Variants in RPGRIP1L observed in about 807,000 individuals in gnomAD.
RPGRIP1L encodes protein fantom.
In RPGRIP1L, 131 loss-of-function variants were observed where a neutral mutation model predicts 160.4. The observed-to-expected ratio is 0.82, with a 90% CI of 0.71 to 0.94. The LOEUF is 0.94. Ranked by LOEUF, RPGRIP1L falls within the 40% of genes least tolerant of loss-of-function variation. The pLI, the probability that RPGRIP1L is intolerant of heterozygous loss-of-function variation, is 0.00. For missense variants in RPGRIP1L, 1,522 were observed against 1,535.8 expected, an observed-to-expected ratio of 0.99 and a Z score of 0.15; for synonymous variants, 510 against 515.8, an observed-to-expected ratio of 0.99 and a Z score of 0.15.
At chr16:53,687,171 T>A (rs2151321804) in intron 5 of RPGRIP1L, among the ~76,000 whole-genome samples, 1 of 152,268 alleles carries the variant, frequency 6.6e-6, no homozygotes, top group East Asian at 1.9e-4. Context: ...AAAGGAAACA[T>A]TTGAAGACCA....
At position 53,686,287 on chromosome 16, in the gene RPGRIP1L, T is replaced by C. The variant is rs1970007088; in HGVS notation, c.776+146A>G. The C allele has an allele frequency of 3.5e-6, 3 of 862,530 alleles. No individual in the cohort carries two copies. In the South Asian group the frequency reaches 5.0e-5, roughly 14 times the overall value. 53.4% of individuals were successfully genotyped at this position (862,530 alleles called of 1,614,324 possible). ...GACTAGAGTTCTTGACAGCAGTTAG[T>C]AGGTCGAGCATAGGCTTATATGAAG... On this transcript the variant is annotated intron_variant, in intron 6 of 26. Coordinates refer to ENST00000647211, the MANE Select transcript of RPGRIP1L (RefSeq NM_015272.5).
At chr16:53,691,097 T>G (rs1193645034) in intron 4 of RPGRIP1L, among the ~76,000 whole-genome samples, 4 of 151,670 alleles carry the variant, frequency 2.6e-5, no homozygotes, top group African/African-American at 9.7e-5. Flanking sequence ...TTTCTGTTCA[T>G]AGTGGTTTTT....
intron 4 of RPGRIP1L, among the ~76,000 whole-genome samples, chr16:53,691,047 A>T (rs1177141264): frequency 6.6e-6 from 1 of 151,430 alleles, no homozygotes; most frequent in African/African-American, 2.4e-5. Context: ...TAGTGCTAAC[A>T]TTTTGGCTTC....
chr16:53,696,320 T>C (rs748374826), intron 2 of RPGRIP1L, 25 bp from the exon 3 acceptor site: 2 of 1,612,460 alleles, frequency 1.2e-6, no homozygotes, highest in South Asian at 1.1e-5. Context: ...AGATAATTAA[T>C]TGTGAGGTTA....
intron 15 of RPGRIP1L, among the ~76,000 whole-genome samples, chr16:53,651,944 T>G (rs1180408894): frequency 2.0e-5 from 3 of 151,878 alleles, no homozygotes; most frequent in African/African-American, 7.3e-5. Flanking sequence ...GAACTTAAAT[T>G]ACAGTTCAAT....
At chr16:53,617,073 C>CAAAAAAAAAAAA (rs397945611) in intron 24 of RPGRIP1L, among the ~76,000 whole-genome samples, 1,470 of 21,808 alleles carry the variant, frequency 0.067, 345 homozygotes, top group African/African-American at 0.26. Flanking sequence ...CCTTGCATCA[C>CAAAAAAAAAAAA]AAAAAAAAAA....
At chr16:53,611,903 C>A (rs1964067600) in intron 24 of RPGRIP1L, among the ~76,000 whole-genome samples, 1 of 152,218 alleles carries the variant, frequency 6.6e-6, no homozygotes, top group Non-Finnish European at 1.5e-5. Flanking sequence ...GTGACCAGAT[C>A]TCAACTTAGA....
chr16:53,695,393 G>A lies in RPGRIP1L; in HGVS notation c.230+758C>T, dbSNP rs978613676. ...AAACTGAACTGGAACCACCTCCTTA[G>A]GATGGATTCTAAGCAGAAAAACCCT... On this transcript the variant is annotated intron_variant, in intron 3 of 26. Transcript: ENST00000647211. 6 of 702,824 alleles carry A rather than the reference G, an allele frequency of 8.5e-6. No homozygotes were observed. Among genetic ancestry groups the A allele is most frequent in the Admixed American group, 8.0e-5 (4 of 49,990 alleles). 43.5% of individuals were successfully genotyped at this position (702,824 alleles called of 1,614,324 possible).
At chr16:53,607,718 T>C (rs1963775273) in intron 25 of RPGRIP1L, among the ~76,000 whole-genome samples, 2 of 152,106 alleles carry the variant, frequency 1.3e-5, no homozygotes, top group Non-Finnish European at 2.9e-5. Flanking sequence ...GCCTTCTAAA[T>C]GCCAGAGAAA....
intron 17 of RPGRIP1L, among the ~76,000 whole-genome samples, chr16:53,644,344 C>G (rs1432328989): frequency 6.6e-6 from 1 of 151,658 alleles, no homozygotes; most frequent in Non-Finnish European, 1.5e-5. Flanking sequence ...TGTGGGGAAA[C>G]CATCAAACAT....
At chr16:53,642,966 C>G (rs1304735546) in intron 17 of RPGRIP1L, among the ~76,000 whole-genome samples, 1 of 152,162 alleles carries the variant, frequency 6.6e-6, no homozygotes. Context: ...GAAGGCCAGC[C>G]AACAATTTAA....
Position 53,641,393 on chromosome 16 carries a change from T to G in RPGRIP1L, c.2766A>C (p.Pro922=). Residue 922 remains proline (P), a synonymous_variant, in exon 18 of 27, where the codon CCA becomes CCC. Transcript: ENST00000647211. The part of the protein sequence containing the change: ...VILKWKFAYL[P]PSGSITTEDL... ...CTTCAGTTGTTATTGATCCACTTGG[T>G]GGAAGGTAAGCAAATTTCCATTTCA... is the stretch of plus-strand genomic sequence containing the variant. The G allele has an allele frequency of 2.5e-6, 4 of 1,614,078 alleles. No individual in the cohort carries two copies. The highest frequency in any genetic ancestry group is 3.4e-6 in the Non-Finnish European group (4 of 1,179,972).
chr16:53,622,166 C>A, intron 23 of RPGRIP1L, 53 bp downstream of exon 23: 1 of 539,494 alleles, frequency 1.9e-6, no homozygotes, highest in Non-Finnish European at 3.3e-6. Flanking sequence ...AGTTTGAGAC[C>A]AGCATGGCCA....
At chr16:53,610,402 A>G (rs1963952840) in intron 25 of RPGRIP1L, among the ~76,000 whole-genome samples, 2 of 152,210 alleles carry the variant, frequency 1.3e-5, no homozygotes, top group Admixed American at 1.3e-4. Flanking sequence ...GAGCCATTAC[A>G]AACAATAATA....
At chr16:53,616,682 T>C (rs1303166724) in intron 24 of RPGRIP1L, among the ~76,000 whole-genome samples, 3 of 152,190 alleles carry the variant, frequency 2.0e-5, no homozygotes, top group African/African-American at 7.2e-5. Context: ...ACTGGTTTTC[T>C]TGCTGCTATC....
chr16:53,629,875 G>A (rs986580648), intron 22 of RPGRIP1L, among the ~76,000 whole-genome samples: 1 of 152,188 alleles, frequency 6.6e-6, no homozygotes, highest in Non-Finnish European at 1.5e-5. Context: ...TAACAGTAGA[G>A]GGCTGGATTT....
chr16:53,608,386 ATC>A (rs1963818286), intron 25 of RPGRIP1L, among the ~76,000 whole-genome samples: 1 of 152,158 alleles, frequency 6.6e-6, no homozygotes, highest in African/African-American at 2.4e-5. Flanking sequence ...TAATTCATTT[ATC>A]TGTCTATTAT....
intron 9 of RPGRIP1L, among the ~76,000 whole-genome samples, chr16:53,670,770 G>A (rs899429175): frequency 2.0e-5 from 3 of 152,026 alleles, no homozygotes; most frequent in Non-Finnish European, 4.4e-5. Flanking sequence ...ACCAAAAGAG[G>A]TTCAAACACA....
At chr16:53,668,445 T>C (rs1456730212) in intron 9 of RPGRIP1L, among the ~76,000 whole-genome samples, 2 of 152,152 alleles carry the variant, frequency 1.3e-5, no homozygotes. Context: ...TCTCAAGGAG[T>C]TAATACCTCA....
Sources: allele counts gnomAD v4.1 joint callset (sites outside exome capture counted in the v4.1 genomes callset), GRCh38; gene constraint gnomAD v4.1.1; transcripts MANE v1.5; gene names NCBI Gene and HGNC (gene_info 2026-07-23, HGNC 2026-07-21).